Variants in RPS6KA2 observed in about 807,000 individuals in gnomAD.
RPS6KA2 encodes ribosomal protein S6 kinase alpha-2.
Under a neutral mutation model 91.8 loss-of-function variants are expected in RPS6KA2, and 42 were observed. The ratio of observed to expected loss-of-function variants is 0.46; its 90% CI spans 0.36 to 0.59. RPS6KA2 has a LOEUF of 0.59. RPS6KA2 is among the 20% of genes least tolerant of loss of function. The pLI, the probability that RPS6KA2 is intolerant of heterozygous loss-of-function variation, is 0.00. For synonymous variants in RPS6KA2, 414 were observed against 393.6 expected, an observed-to-expected ratio of 1.05 and a Z score of -0.61; for missense variants, 798 against 978.5, an observed-to-expected ratio of 0.82 and a Z score of 2.46.
chr6:166,855,058 C>T (rs1044325428), intron 2 of RPS6KA2, among the ~76,000 whole-genome samples: 10 of 152,244 alleles, frequency 6.6e-5, no homozygotes, highest in African/African-American at 2.4e-4. Context: ...TGGTTGGAAC[C>T]GGAGGCCATT....
At position 166,696,315 on chromosome 6, in the gene RPS6KA2, G is replaced by A. The variant is rs563621040; in HGVS notation, c.124-157531C>T. On this transcript the variant is annotated intron_variant, in intron 2 of 21. Coordinates refer to the RPS6KA2 transcript ENST00000503859. The stretch of plus-strand genomic sequence containing the variant: ...TGATCAGAAATGAGAGATGGGAGAT[G>A]CTCATCGGAAACCTGAATAGGTAGA... Among the ~76,000 whole-genome samples, 19 of 152,294 alleles carry A rather than the reference G, an allele frequency of 1.2e-4. No individual in the cohort carries two copies. In the South Asian group the frequency reaches 3.9e-3, roughly 32 times the overall value.
intron 2 of RPS6KA2, among the ~76,000 whole-genome samples, chr6:166,685,377 A>G (rs1788981779): frequency 6.6e-6 from 1 of 152,136 alleles, no homozygotes; most frequent in African/African-American, 2.4e-5. Flanking sequence ...CTGGGAGGAC[A>G]GAGGCTGAGA....
chr6:166,550,735 G>A (rs1400845485), intron 1 of RPS6KA2, among the ~76,000 whole-genome samples: 2 of 152,128 alleles, frequency 1.3e-5, no homozygotes, highest in Non-Finnish European at 2.9e-5. Context: ...GGGCGCGATG[G>A]CTCACGCCTG....
At chr6:166,413,437 A>AGTCCC (rs1297659536) in intron 20 of RPS6KA2, among the ~76,000 whole-genome samples, 3 of 152,166 alleles carry the variant, frequency 2.0e-5, no homozygotes, top group Non-Finnish European at 4.4e-5. Flanking sequence ...TCAGAAAAGG[A>AGTCCC]GTCCCACCCA....
At chr6:166,520,842 G>A (rs983573029) in intron 3 of RPS6KA2, among the ~76,000 whole-genome samples, 4 of 152,190 alleles carry the variant, frequency 2.6e-5, no homozygotes, top group South Asian at 4.1e-4. Flanking sequence ...CACAGAAGCC[G>A]GCAGCGATTC....
intron 1 of RPS6KA2, among the ~76,000 whole-genome samples, chr6:166,624,508 C>T (rs558597717): frequency 1.4e-4 from 22 of 152,234 alleles, no homozygotes; most frequent in Middle Eastern, 6.8e-3. Flanking sequence ...ATGGGTAGGG[C>T]GCAGAAGAGG....
intron 1 of RPS6KA2, among the ~76,000 whole-genome samples, chr6:166,539,634 T>A (rs184341716): frequency 4.9e-4 from 75 of 152,328 alleles, no homozygotes; most frequent in Non-Finnish European, 9.4e-4. Flanking sequence ...AAGCAAGATT[T>A]CCCTGTAGGA....
At chr6:166,451,300 G>GTGTGTGTGCATGTGGTA (rs1779908476) in intron 12 of RPS6KA2, 67 bp from the exon 13 acceptor site, 1 of 1,579,672 alleles carries the variant, frequency 6.3e-7, no homozygotes, top group Non-Finnish European at 8.7e-7. Flanking sequence ...AAGTGATAGT[G>GTGTGTGTGCATGTGGTA]TGTGTGTGCA....
chr6:166,813,277 A>G (rs1206223513), intron 2 of RPS6KA2, among the ~76,000 whole-genome samples: 1 of 152,178 alleles, frequency 6.6e-6, no homozygotes, highest in African/African-American at 2.4e-5. Context: ...ATTCCCTGGA[A>G]GAGCCGCCCA....
rs1781707562 is a variant in RPS6KA2 at position 166,494,340 on chromosome 6, C to T, written c.748-3599G>A. Among the ~76,000 whole-genome samples, 1 of 152,148 alleles carries T rather than the reference C, an allele frequency of 6.6e-6. No homozygotes were observed. Among genetic ancestry groups the T allele is most frequent in the Non-Finnish European group, 1.5e-5 (1 of 68,030 alleles). The stretch of plus-strand genomic sequence containing the variant: ...CTTGGAAGGTGCCGTTCCTCACAAC[C>T]GTCTACAGATGAATGGTCCAGTGGC... On this transcript the variant is annotated intron_variant, in intron 8 of 20. Transcript: ENST00000265678. This position sits in a 1 kb window ranked among gnomAD's most constrained non-coding sequence, Gnocchi z 5.1.
At chr6:166,542,933 A>G (rs1000570102) in intron 1 of RPS6KA2, among the ~76,000 whole-genome samples, 1 of 152,230 alleles carries the variant, frequency 6.6e-6, no homozygotes, top group African/African-American at 2.4e-5. Context: ...CCAAAAAAGG[A>G]GAGAGGTCAT....
At chr6:166,675,186 C>G (rs886870665) in intron 2 of RPS6KA2, among the ~76,000 whole-genome samples, 6 of 152,150 alleles carry the variant, frequency 3.9e-5, no homozygotes, top group African/African-American at 1.4e-4. Flanking sequence ...GGACAGGGCC[C>G]AAGTCTTCTG....
upstream of RPS6KA2, among the ~76,000 whole-genome samples, chr6:166,629,933 AAGTTCAC>A (rs111745620): frequency 0.022 from 3,201 of 148,746 alleles, 114 homozygotes; most frequent in African/African-American, 0.074. Context: ...ACATCCCAAG[AAGTTCAC>A]AGTCTTATGG....
chr6:166,574,377 A>G lies in RPS6KA2; in HGVS notation c.100-35593T>C, dbSNP rs9459696. ...CCATCTTTATGTCCATGTGTATTCAATGCTGAGCTTCCAGTTTTAAGTGAG... is the reference window on the plus strand; with the variant it reads ...CCATCTTTATGTCCATGTGTATTCAGTGCTGAGCTTCCAGTTTTAAGTGAG... On this transcript the variant is annotated intron_variant, in intron 1 of 20. Transcript: ENST00000265678. Among the ~76,000 whole-genome samples the G allele has an allele frequency of 1.7e-3, 252 of 152,288 alleles. 1 individual carries two copies. The highest frequency in any genetic ancestry group is 5.8e-3 in the African/African-American group (243 of 41,556).
chr6:166,412,879 C>T lies in RPS6KA2; in HGVS notation c.2085G>A (p.Met695Ile). The change falls in exon 21 of 21, where the codon ATG becomes ATA. Residue 695 changes from methionine (M) to isoleucine (I), a missense_variant. Physicochemically the swap from Met to Ile is conservative, Grantham distance 10. Transcript: ENST00000265678. The surrounding 1 kb of genome is among the most constrained non-coding windows in gnomAD (Gnocchi z 4.3). ...RQDVHLVKGA[M>I]AATYFALNRT... The stretch of plus-strand genomic sequence containing the variant: ...TGTTTAGAGCAAAGTAGGTGGCGGC[C>T]ATCGCGCCCTGCAAAACAGAAGACA... 6.4e-7 allele frequency: 1 copy of T among 1,555,164 alleles called. No homozygotes were observed. Among genetic ancestry groups the T allele is most frequent in the Non-Finnish European group, 8.7e-7 (1 of 1,149,050 alleles).
In RPS6KA2 at chr6:166,495,276, C is replaced by T. The variant is rs1781747266; in HGVS notation, c.747+3232G>A. ...CCTTAGCTTGTGGTCACCACGGCAA[C>T]AGCCAGCCCTGCCTCGGGCTCGAGA... On this transcript the variant is annotated intron_variant, in intron 8 of 20. Coordinates refer to ENST00000265678, the MANE Select transcript of RPS6KA2 (RefSeq NM_021135.6). This position sits in a 1 kb window ranked among gnomAD's most constrained non-coding sequence, Gnocchi z 4.4. Among the ~76,000 whole-genome samples, 2 of 152,016 alleles carry T rather than the reference C, an allele frequency of 1.3e-5. No individual in the cohort carries two copies. The highest frequency in any genetic ancestry group is 2.1e-4 in the South Asian group (1 of 4,824).
intron 2 of RPS6KA2, among the ~76,000 whole-genome samples, chr6:166,711,894 T>C (rs141674967): frequency 4.0e-5 from 6 of 151,014 alleles, no homozygotes; most frequent in East Asian, 3.9e-4. Context: ...ACCAATAAAA[T>C]TGACAAATCT....
intron 2 of RPS6KA2, among the ~76,000 whole-genome samples, chr6:166,827,066 T>C (rs1780064144): frequency 6.6e-6 from 1 of 151,996 alleles, no homozygotes; most frequent in African/African-American, 2.4e-5. Flanking sequence ...AAGTGTTAGT[T>C]ATGTAGGATG....
chr6:166,518,469 AG>A (rs1172883856), intron 3 of RPS6KA2, among the ~76,000 whole-genome samples: 17 of 152,298 alleles, frequency 1.1e-4, no homozygotes, highest in African/African-American at 4.1e-4. Context: ...AGCAGAAAAA[AG>A]GTCAAAAGCC....
Sources: allele counts gnomAD v4.1 joint callset (sites outside exome capture counted in the v4.1 genomes callset), GRCh38; gene constraint gnomAD v4.1.1; non-coding constraint Gnocchi (gnomAD v3.1); transcripts MANE v1.5; gene names NCBI Gene and HGNC (gene_info 2026-07-23, HGNC 2026-07-21).